The following WFDC1 variants were observed in gnomAD, a reference collection of about 807,000 sequenced individuals.
WFDC1 encodes WAP four-disulfide core domain protein 1.
A neutral mutation model predicts 32.9 loss-of-function variants in WFDC1; 39 were observed. That is an observed-to-expected ratio of 1.19 (90% confidence interval 0.92 to 1.55). WFDC1 has a LOEUF of 1.55. Ranked by LOEUF, WFDC1 falls within the 40% of genes most tolerant of loss-of-function variation. The pLI is 0.00. For missense variants in WFDC1, 386 were observed against 309.5 expected, an observed-to-expected ratio of 1.25 and a Z score of -1.85; for synonymous variants, 184 against 137.4, an observed-to-expected ratio of 1.34 and a Z score of -2.37.
intron 2 of WFDC1, among the ~76,000 whole-genome samples, chr16:84,315,550 C>A (rs1369673265): frequency 6.6e-6 from 1 of 152,204 alleles, no homozygotes; most frequent in Non-Finnish European, 1.5e-5. Context: ...ACAATGCTGT[C>A]TAACACCAGA....
rs978786165 is a variant in WFDC1 at position 84,311,349 on chromosome 16, A to G, written c.145-1612A>G. 2.2e-4 allele frequency among the ~76,000 whole-genome samples: 33 copies of G among 146,754 alleles called. 1 individual carries two copies. Among genetic ancestry groups the G allele is most frequent in the Non-Finnish European group, 1.3e-4 (9 of 67,056 alleles). On this transcript the variant is annotated intron_variant, in intron 1 of 6. Coordinates refer to ENST00000219454, the MANE Select transcript of WFDC1 (RefSeq NM_021197.4). Reference sequence around the variant, plus strand: ...AAGCTCCGACTCCCAGGTCCACACCATTCTCCTACAGGTGCTCGCCACCAC... The same window carrying G: ...AAGCTCCGACTCCCAGGTCCACACCGTTCTCCTACAGGTGCTCGCCACCAC...
chr16:84,314,802 A>C (rs1336571156), intron 2 of WFDC1, among the ~76,000 whole-genome samples: 1 of 152,222 alleles, frequency 6.6e-6, no homozygotes, highest in Non-Finnish European at 1.5e-5. Flanking sequence ...GGACTTATCA[A>C]AAATGGTGCC....
intron 2 of WFDC1, among the ~76,000 whole-genome samples, chr16:84,313,903 G>A (rs1303323769): frequency 2.0e-5 from 3 of 152,172 alleles, no homozygotes; most frequent in African/African-American, 4.8e-5. Flanking sequence ...TTAGCCAGGC[G>A]TGGTGGCAGG....
chr16:84,321,651 C>G (rs1908310537), intron 4 of WFDC1, among the ~76,000 whole-genome samples: 1 of 152,204 alleles, frequency 6.6e-6, no homozygotes, highest in Admixed American at 6.5e-5. Context: ...CAAGACAGAG[C>G]TAAGCAAAGA....
intron 4 of WFDC1, among the ~76,000 whole-genome samples, chr16:84,322,148 T>TGTGTGTGTGC (rs796731958): frequency 0.025 from 2,184 of 88,170 alleles, 82 homozygotes; most frequent in East Asian, 0.22. Flanking sequence ...TCAGAGCCTG[T>TGTGTGTGTGC]GTGTGTGTGT....
At chr16:84,312,708 AC>A (rs1907705272) in intron 1 of WFDC1, among the ~76,000 whole-genome samples, 1 of 152,152 alleles carries the variant, frequency 6.6e-6, no homozygotes, top group South Asian at 2.1e-4. Context: ...CCTTCAGCAA[AC>A]ACACCAAGAT....
chr16:84,304,293 C>T (rs865896907), intron 1 of WFDC1, among the ~76,000 whole-genome samples: 2 of 151,818 alleles, frequency 1.3e-5, no homozygotes, highest in African/African-American at 2.4e-5. Flanking sequence ...GCAGTGGTGC[C>T]GTCTGGCTCA....
intron 3 of WFDC1, chr16:84,318,859 T>C (rs1908120734): frequency 4.8e-6 from 1 of 207,320 alleles, no homozygotes; most frequent in African/African-American, 2.3e-5. Context: ...CGCTAGAGTG[T>C]GCGGCCGTAT....
intron 4 of WFDC1, among the ~76,000 whole-genome samples, chr16:84,320,065 G>C (rs1265029902): frequency 6.6e-6 from 1 of 152,202 alleles, no homozygotes; most frequent in African/African-American, 2.4e-5. Context: ...TGGTGCAGAA[G>C]CAACATGCAT....
At chr16:84,318,413 T>C (rs1908091655) in intron 3 of WFDC1, 58 bp downstream of exon 3, 7 of 1,565,824 alleles carry the variant, frequency 4.5e-6, no homozygotes, top group Non-Finnish European at 6.1e-6. Flanking sequence ...CCTTCTCAGC[T>C]GCTTCCAGAA....
chr16:84,297,957 C>T (rs867989010), intron 1 of WFDC1, among the ~76,000 whole-genome samples: 1 of 152,116 alleles, frequency 6.6e-6, no homozygotes, highest in Non-Finnish European at 1.5e-5. Flanking sequence ...CTGAGTGAGA[C>T]CTTCAGCCTT....
intron 1 of WFDC1, among the ~76,000 whole-genome samples, chr16:84,307,416 G>T (rs1286570285): frequency 6.6e-6 from 1 of 152,220 alleles, no homozygotes; most frequent in Admixed American, 6.5e-5. Flanking sequence ...ACGACCATCT[G>T]TTGTTTCAGT....
chr16:84,300,648 C>T (rs1906879056), intron 1 of WFDC1, among the ~76,000 whole-genome samples: 1 of 152,134 alleles, frequency 6.6e-6, no homozygotes, highest in African/African-American at 2.4e-5. Context: ...GTGGGTGGTT[C>T]CTTAATATGA....
Position 84,326,895 on chromosome 16 carries a change from G to T in WFDC1, c.618G>T (p.Lys206Asn). The change falls in exon 6 of 7, where the codon AAG (lysine) becomes AAT (asparagine). Residue 206 changes from lysine (K) to asparagine (N), a missense_variant. Transcript: ENST00000219454. ...TTCTTTTCACAGAAGGTGACTCAAAGAATGTGGCAGAACCTGGAAGGGGAC... is the reference window on the plus strand; with the variant it reads ...TTCTTTTCACAGAAGGTGACTCAAATAATGTGGCAGAACCTGGAAGGGGAC... ...LYKEYPEGDSKNVAEPGRGQQ... is the reference protein window; with the variant it reads ...LYKEYPEGDSNNVAEPGRGQQ... 1.2e-6 allele frequency: 2 copies of T among 1,614,088 alleles called. No homozygotes were observed. Among genetic ancestry groups the T allele is most frequent in the South Asian group, 1.1e-5 (1 of 91,078 alleles).
intron 1 of WFDC1, among the ~76,000 whole-genome samples, chr16:84,302,200 C>T (rs564551172): frequency 1.3e-5 from 2 of 151,856 alleles, no homozygotes; most frequent in East Asian, 3.9e-4. Flanking sequence ...TTGCCAGGGG[C>T]TGGGGGAGGG....
At chr16:84,298,361 C>A (rs1488986401) in intron 1 of WFDC1, among the ~76,000 whole-genome samples, 1 of 152,136 alleles carries the variant, frequency 6.6e-6, no homozygotes, top group Non-Finnish European at 1.5e-5. Flanking sequence ...TCCCAAAGTG[C>A]TGGGATTATA....
At chr16:84,319,222 G>T in intron 3 of WFDC1, 1 of 591,664 alleles carries the variant, frequency 1.7e-6, no homozygotes, top group Middle Eastern at 4.3e-4. Context: ...GCCTGTGTTT[G>T]TGTGCGTGTT....
intron 2 of WFDC1, among the ~76,000 whole-genome samples, chr16:84,313,773 G>A (rs8050905): frequency 1.3e-5 from 2 of 152,220 alleles, no homozygotes; most frequent in African/African-American, 2.4e-5. Flanking sequence ...CAGATCCACC[G>A]GCCAGCTGTC....
chr16:84,307,179 C>T (rs890659855), intron 1 of WFDC1, among the ~76,000 whole-genome samples: 1 of 152,086 alleles, frequency 6.6e-6, no homozygotes, highest in African/African-American at 2.4e-5. Flanking sequence ...TCCAGTCCGA[C>T]CTCTAGGCCA....
Sources: allele counts gnomAD v4.1 joint callset (sites outside exome capture counted in the v4.1 genomes callset), GRCh38; gene constraint gnomAD v4.1.1; transcripts MANE v1.5; gene names NCBI Gene and HGNC (gene_info 2026-07-23, HGNC 2026-07-21).